Variants in TENM2 observed in about 807,000 individuals in gnomAD.
TENM2 encodes teneurin transmembrane protein 2, also known as teneurin-2.
In TENM2, 52 loss-of-function variants were observed where a neutral mutation model predicts 245.2. That is an observed-to-expected ratio of 0.21 (90% CI 0.17 to 0.27). The LOEUF (loss-of-function observed/expected upper bound fraction) is 0.27. TENM2 is among the 10% of genes least tolerant of loss of function. The pLI is 1.00. For missense variants in TENM2, 3,046 were observed against 3,666.8 expected (o/e 0.83, Z 4.37); for synonymous variants, 1,363 against 1,438.9 (o/e 0.95, Z 1.19).
intron 13 of TENM2, among the ~76,000 whole-genome samples, chr5:168,167,440 G>T (rs1375333934): frequency 6.6e-6 from 1 of 152,130 alleles, no homozygotes; most frequent in East Asian, 1.9e-4. Context: ...GCCGGCATCG[G>T]AGTGAGTCTG....
chr5:167,566,669 A>G (rs529570449), intron 2 of TENM2, among the ~76,000 whole-genome samples: 3 of 152,280 alleles, frequency 2.0e-5, no homozygotes, highest in African/African-American at 4.8e-5. Flanking sequence ...GATGCTTTCA[A>G]ACGTTCCATA....
At chr5:167,482,268 A>G (rs1430657856) in intron 2 of TENM2, among the ~76,000 whole-genome samples, 1 of 152,198 alleles carries the variant, frequency 6.6e-6, no homozygotes, top group Non-Finnish European at 1.5e-5. Context: ...TTACTCTAAA[A>G]ACAATTTTCA....
the TENM2 span, among the ~76,000 whole-genome samples, chr5:167,223,048 A>T: frequency 6.6e-6 from 1 of 152,220 alleles, no homozygotes; most frequent in Non-Finnish European, 1.5e-5. Flanking sequence ...GTAGATTAAA[A>T]TTTTTTGACA....
At chr5:167,320,328 A>C (rs1226611294) in intron 1 of TENM2, among the ~76,000 whole-genome samples, 2 of 152,222 alleles carry the variant, frequency 1.3e-5, no homozygotes, top group Non-Finnish European at 2.9e-5. Context: ...CAGTACAAAA[A>C]CCAGCACACT....
chr5:167,218,621 C>T, the TENM2 span, among the ~76,000 whole-genome samples: 1 of 151,998 alleles, frequency 6.6e-6, no homozygotes, highest in Non-Finnish European at 1.5e-5. Context: ...AATGAAGCAT[C>T]TGAAGATCTT....
intron 9 of TENM2, among the ~76,000 whole-genome samples, chr5:168,110,471 G>A (rs141572706): frequency 6.6e-6 from 1 of 152,274 alleles, no homozygotes; most frequent in East Asian, 1.9e-4. Context: ...AAAGCAAAGT[G>A]TCCATAGTCA....
chr5:167,670,904 C>T (rs1755898852), intron 2 of TENM2, among the ~76,000 whole-genome samples: 1 of 152,080 alleles, frequency 6.6e-6, no homozygotes, highest in Non-Finnish European at 1.5e-5. Flanking sequence ...ATTGCATTTA[C>T]TCAGCTCTGT....
intron 4 of TENM2, among the ~76,000 whole-genome samples, chr5:167,976,508 A>C (rs942255161): frequency 6.6e-6 from 1 of 152,170 alleles, no homozygotes; most frequent in Non-Finnish European, 1.5e-5. Context: ...TTAGTAATAT[A>C]CAAATATACT....
chr5:167,487,147 T>C (rs1768125685), intron 2 of TENM2, among the ~76,000 whole-genome samples: 1 of 152,220 alleles, frequency 6.6e-6, no homozygotes, highest in South Asian at 2.1e-4. Flanking sequence ...ACGCAGGCCA[T>C]AATCTAGTCC....
At chr5:167,684,719 T>C (rs1756959594) in intron 2 of TENM2, among the ~76,000 whole-genome samples, 1 of 152,212 alleles carries the variant, frequency 6.6e-6, no homozygotes, top group South Asian at 2.1e-4. Flanking sequence ...ACAGTCGTAT[T>C]TGTTGTAATG....
At chr5:167,148,554 A>T in the TENM2 span, among the ~76,000 whole-genome samples, 1 of 152,194 alleles carries the variant, frequency 6.6e-6, no homozygotes, top group East Asian at 1.9e-4. Flanking sequence ...TATTTTTTAA[A>T]TGCAAACATC....
chr5:167,926,852 A>G (rs929898345), intron 3 of TENM2, among the ~76,000 whole-genome samples: 1 of 152,128 alleles, frequency 6.6e-6, no homozygotes, highest in Non-Finnish European at 1.5e-5. Flanking sequence ...ATATCATTTT[A>G]TAAGATGCTA....
chr5:168,084,710 A>G (rs1408828896), intron 7 of TENM2, among the ~76,000 whole-genome samples: 1 of 152,198 alleles, frequency 6.6e-6, no homozygotes, highest in Non-Finnish European at 1.5e-5. Flanking sequence ...ACATACAGGT[A>G]GAGTGGCGTT....
At chr5:167,143,748 T>C in the TENM2 span, among the ~76,000 whole-genome samples, 1 of 152,200 alleles carries the variant, frequency 6.6e-6, no homozygotes, top group Admixed American at 6.5e-5. Context: ...TGATGCTAAC[T>C]AAGCCGATTC....
At chr5:167,997,095 C>A (rs1392772404) in intron 5 of TENM2, among the ~76,000 whole-genome samples, 1 of 152,124 alleles carries the variant, frequency 6.6e-6, no homozygotes, top group Non-Finnish European at 1.5e-5. Context: ...AGTCGTCAAC[C>A]AACACTCTAG....
At chr5:167,225,740 T>G in the TENM2 span, among the ~76,000 whole-genome samples, 3 of 152,072 alleles carry the variant, frequency 2.0e-5, no homozygotes, top group Non-Finnish European at 4.4e-5. Context: ...GAAGGATTGG[T>G]TTTCTTTCTT....
At chr5:167,968,382 G>A (rs923398272) in intron 4 of TENM2, among the ~76,000 whole-genome samples, 1 of 152,046 alleles carries the variant, frequency 6.6e-6, no homozygotes, top group African/African-American at 2.4e-5. Context: ...ACCTCCAATT[G>A]CTGTCATTTG....
the TENM2 span, among the ~76,000 whole-genome samples, chr5:167,012,003 T>C: frequency 6.6e-6 from 1 of 152,158 alleles, no homozygotes; most frequent in Non-Finnish European, 1.5e-5. Context: ...GATTGCTACA[T>C]TGCTGTCAGG....
intron 2 of TENM2, among the ~76,000 whole-genome samples, chr5:167,418,164 T>C (rs1581985213): frequency 6.6e-6 from 1 of 152,126 alleles, no homozygotes; most frequent in Non-Finnish European, 1.5e-5. Flanking sequence ...ACCCCATCTC[T>C]AATAAAAATA....
Sources: gnomAD v4.1 joint callset for allele counts (sites outside exome capture counted in the v4.1 genomes callset) on GRCh38, gnomAD v4.1.1 for gene constraint, MANE v1.5 for transcripts, NCBI Gene and HGNC (gene_info 2026-07-23, HGNC 2026-07-21) for gene names.